Variants in PLXDC2 observed in about 807,000 individuals in gnomAD.
PLXDC2 encodes the protein plexin domain-containing protein 2.
Under a neutral mutation model 68.9 loss-of-function variants are expected in PLXDC2, and 40 were observed. The ratio of observed to expected loss-of-function variants is 0.58; its 90% CI spans 0.45 to 0.76. PLXDC2 has a LOEUF of 0.76. Among genes scored for constraint, PLXDC2 ranks in the 30% least tolerant of loss-of-function variants. PLXDC2 has a pLI of 0.00. For missense variants in PLXDC2, 644 were observed against 661.9 expected (o/e 0.97, Z 0.30); for synonymous variants, 243 against 234.2 (o/e 1.04, Z -0.34).
chr10:19,895,370 G>A (rs551474454), intron 1 of PLXDC2, among the ~76,000 whole-genome samples: 7 of 152,230 alleles, frequency 4.6e-5, no homozygotes, highest in African/African-American at 1.4e-4. Flanking sequence ...GATGAAAACC[G>A]CAAAAGTGAG....
chr10:19,904,566 C>T (rs1350454935), intron 1 of PLXDC2, among the ~76,000 whole-genome samples: 1 of 152,126 alleles, frequency 6.6e-6, no homozygotes, highest in African/African-American at 2.4e-5. Context: ...CACAAGCCTC[C>T]CTGCTGAGAA....
Position 20,232,587 on chromosome 10 carries a change from G to A in PLXDC2, c.1313-12758G>A, listed in dbSNP as rs146068951. ...CTGATACATGCAATAAAACAGATGC[G>A]TCCTAAAACATTGTTAAGCAAAAGA... On this transcript the variant is annotated intron_variant, in intron 12 of 13. Transcript: ENST00000377252. Among the ~76,000 whole-genome samples the A allele has an allele frequency of 1.1e-3, 175 of 152,262 alleles. 1 individual carries two copies. The highest frequency in any genetic ancestry group is 4.0e-3 in the African/African-American group (166 of 41,546).
chr10:19,865,343 A>G (rs1394437414), intron 1 of PLXDC2, among the ~76,000 whole-genome samples: 2 of 152,304 alleles, frequency 1.3e-5, no homozygotes, highest in East Asian at 1.9e-4. Context: ...ACACTGATGG[A>G]AAAAACTTGG....
chr10:20,260,283 T>C (rs1835793750), intron 13 of PLXDC2, among the ~76,000 whole-genome samples: 1 of 152,212 alleles, frequency 6.6e-6, no homozygotes, highest in African/African-American at 2.4e-5. Flanking sequence ...CATGCTGTCA[T>C]TAAATCTCTA....
In PLXDC2 at chr10:19,820,052, C is replaced by T. The variant is rs76740497; in HGVS notation, c.112+2861C>T. ...ATGAGTTTCTTTTTCCTTTAGAGAA[C>T]AGATACAAGTTTTGGAGCTTGAGGT... is the stretch of plus-strand genomic sequence containing the variant. On this transcript the variant is annotated intron_variant, in intron 1 of 13. Coordinates refer to ENST00000377252, the MANE Select transcript of PLXDC2 (RefSeq NM_032812.9). Among the ~76,000 whole-genome samples, 957 of 152,242 alleles carry T rather than the reference C, an allele frequency of 6.3e-3. 41 individuals carry two copies. In the East Asian group the frequency reaches 0.11, roughly 17 times the overall value.
intron 1 of PLXDC2, among the ~76,000 whole-genome samples, chr10:19,982,126 T>A (rs1172564128): frequency 6.6e-6 from 1 of 152,246 alleles, no homozygotes; most frequent in Non-Finnish European, 1.5e-5. Context: ...GACAAGAAAC[T>A]TTCCCCAAAG....
At chr10:19,995,448 A>G (rs767186445) in intron 1 of PLXDC2, among the ~76,000 whole-genome samples, 16 of 152,300 alleles carry the variant, frequency 1.1e-4, no homozygotes, top group Admixed American at 2.0e-4. Context: ...TCAGTCCCCA[A>G]GGTCCTACTG....
chr10:19,835,951 C>T (rs776761140), intron 1 of PLXDC2, among the ~76,000 whole-genome samples: 5 of 151,952 alleles, frequency 3.3e-5, no homozygotes, highest in Non-Finnish European at 4.4e-5. Flanking sequence ...ATGGGAGGAT[C>T]GCTTGAGCCC....
chr10:20,275,273 A>C (rs976641266), intron 13 of PLXDC2, among the ~76,000 whole-genome samples: 5 of 151,984 alleles, frequency 3.3e-5, no homozygotes, highest in African/African-American at 1.2e-4. Flanking sequence ...TGCTCTTCGA[A>C]ATGTGTTGTG....
At chr10:20,200,742 A>G (rs780704705) in intron 9 of PLXDC2, among the ~76,000 whole-genome samples, 21 of 152,162 alleles carry the variant, frequency 1.4e-4, no homozygotes, top group Admixed American at 7.2e-4. Flanking sequence ...TCAAAAGATG[A>G]TATACAAATG....
At position 20,086,168 on chromosome 10, in the gene PLXDC2, G is replaced by A. The variant is rs547993138; in HGVS notation, c.541+17929G>A. On this transcript the variant is annotated intron_variant, in intron 4 of 13. Coordinates refer to ENST00000377252, the MANE Select transcript of PLXDC2 (RefSeq NM_032812.9). ...CTGATGGTATTTAAAGAGAGCTAGTGCTTGTTGACGAGACAGGGTTTCACC... is the reference window on the plus strand; with the variant it reads ...CTGATGGTATTTAAAGAGAGCTAGTACTTGTTGACGAGACAGGGTTTCACC... 3.6e-4 allele frequency among the ~76,000 whole-genome samples: 54 copies of A among 151,942 alleles called. 1 individual carries two copies. In the South Asian group the frequency reaches 0.01, roughly 29 times the overall value.
chr10:19,939,030 A>G (rs1833772831), intron 1 of PLXDC2, among the ~76,000 whole-genome samples: 1 of 152,226 alleles, frequency 6.6e-6, no homozygotes, highest in Non-Finnish European at 1.5e-5. Flanking sequence ...CCAGTTGTAT[A>G]TAACGATGAG....
chr10:20,192,569 A>T (rs1834781281), intron 9 of PLXDC2, among the ~76,000 whole-genome samples: 1 of 152,004 alleles, frequency 6.6e-6, no homozygotes, highest in African/African-American at 2.4e-5. Flanking sequence ...TGTTTGAAGA[A>T]TTTGTTATTT....
At chr10:20,072,499 G>GAAAGAAAGAA (rs1386769026) in intron 4 of PLXDC2, among the ~76,000 whole-genome samples, 2 of 80,812 alleles carry the variant, frequency 2.5e-5, no homozygotes, top group Admixed American at 2.2e-4. Flanking sequence ...GAAAGAGAAA[G>GAAAGAAAGAA]AAAGAAAGAA....
intron 1 of PLXDC2, among the ~76,000 whole-genome samples, chr10:19,975,058 C>T (rs1834425808): frequency 6.6e-6 from 1 of 152,278 alleles, no homozygotes; most frequent in Admixed American, 6.5e-5. Flanking sequence ...CAACTGTTTT[C>T]ACTTCTTTTT....
At chr10:20,016,747 C>G (rs1427422158) in intron 2 of PLXDC2, among the ~76,000 whole-genome samples, 1 of 152,178 alleles carries the variant, frequency 6.6e-6, no homozygotes, top group African/African-American at 2.4e-5. Context: ...CACATATTTT[C>G]TTCTTCCTTC....
At chr10:19,932,842 T>C (rs1242430615) in intron 1 of PLXDC2, among the ~76,000 whole-genome samples, 1 of 152,216 alleles carries the variant, frequency 6.6e-6, no homozygotes, top group Non-Finnish European at 1.5e-5. Context: ...TTAGGTAGTA[T>C]GTCGCCTTTG....
At chr10:19,893,640 A>G (rs1325709531) in intron 1 of PLXDC2, among the ~76,000 whole-genome samples, 1 of 152,270 alleles carries the variant, frequency 6.6e-6, no homozygotes, top group African/African-American at 2.4e-5. Context: ...GCAAGAAGCA[A>G]TACTTCTGAA....
Position 20,029,489 on chromosome 10 carries a change from T to C in PLXDC2, c.325-17380T>C, listed in dbSNP as rs548190997. 2.6e-5 allele frequency among the ~76,000 whole-genome samples: 4 copies of C among 152,316 alleles called. No individual in the cohort carries two copies. In the South Asian group the frequency reaches 8.3e-4, roughly 32 times the overall value. ...ATGTTTTCCCATATATTTCTTTTTCTTGGGGTCTTTCCAGCTAGTTCTTAG... is the reference window on the plus strand; with the variant it reads ...ATGTTTTCCCATATATTTCTTTTTCCTGGGGTCTTTCCAGCTAGTTCTTAG... On this transcript the variant is annotated intron_variant, in intron 2 of 13. Transcript: ENST00000377252.
Sources: gnomAD v4.1 joint callset for allele counts (sites outside exome capture counted in the v4.1 genomes callset) on GRCh38, gnomAD v4.1.1 for gene constraint, MANE v1.5 for transcripts, NCBI Gene and HGNC (gene_info 2026-07-23, HGNC 2026-07-21) for gene names.